Variants in SCTR observed in about 807,000 individuals in gnomAD.
SCTR encodes secretin receptor.
In SCTR, 56 loss-of-function variants were observed where a neutral mutation model predicts 60.8. The ratio of observed to expected loss-of-function variants is 0.92; its 90% CI spans 0.74 to 1.15. The LOEUF is 1.15. SCTR is among the 50% of genes most tolerant of loss of function. The probability of loss-of-function intolerance (pLI) is 0.00; values close to 1 mark genes in which losing one functional copy is unlikely to be tolerated. For missense variants in SCTR, 562 were observed against 550.4 expected (o/e 1.02, Z -0.21); for synonymous variants, 202 against 217.0 (o/e 0.93, Z 0.61).
At chr2:119,469,130 T>C (rs1291583632) in intron 4 of SCTR, among the ~76,000 whole-genome samples, 1 of 152,146 alleles carries the variant, frequency 6.6e-6, no homozygotes, top group Non-Finnish European at 1.5e-5. Context: ...TGGGTTGCCT[T>C]GAATTAATGG....
At chr2:119,465,590 G>T (rs1013320717) in intron 5 of SCTR, among the ~76,000 whole-genome samples, 199 bp downstream of exon 5, 21 of 152,192 alleles carry the variant, frequency 1.4e-4, no homozygotes, top group Non-Finnish European at 2.8e-4. Context: ...TCTCAGTAGT[G>T]CTTAGTAAAT....
intron 2 of SCTR, among the ~76,000 whole-genome samples, chr2:119,493,268 C>T (rs1262251047): frequency 1.3e-5 from 2 of 152,124 alleles, no homozygotes; most frequent in African/African-American, 4.8e-5. Flanking sequence ...GAATAATATC[C>T]CATTGGATGG....
At chr2:119,476,824 G>A (rs1486878158) in intron 3 of SCTR, 2 of 152,322 alleles carry the variant, frequency 1.3e-5, no homozygotes, top group African/African-American at 2.4e-5. Flanking sequence ...GAGTCAGAAA[G>A]TGGAGTCTGG....
intron 11 of SCTR, among the ~76,000 whole-genome samples, chr2:119,443,826 C>T (rs142064569): frequency 1.8e-3 from 280 of 152,246 alleles, no homozygotes; most frequent in African/African-American, 5.9e-3. Context: ...GGATTACAGG[C>T]GTGAGCCCCC....
intron 7 of SCTR, 74 bp from the exon 8 acceptor site, chr2:119,453,421 A>C: frequency 8.4e-7 from 1 of 1,186,694 alleles, no homozygotes; most frequent in South Asian, 1.2e-5. Flanking sequence ...GAACAGGACA[A>C]TTGGTTACCC....
At position 119,478,854 on chromosome 2, in the gene SCTR, C is replaced by G; in HGVS notation, c.258G>C (p.Glu86Asp). ...TCCGGAGGAATCTCGGGCATTCCAC[C>G]TCCACCATCCGGCCCGGCACAGAAG... ...WPSSVPGRMV[E>D]VECPRFLRML... Residue 86 changes from glutamate (E) to aspartate (D), a missense_variant, in exon 3 of 13, where the codon GAG (glutamate) becomes GAC (aspartate). Physicochemically the swap from Glu to Asp is conservative, Grantham distance 45 (BLOSUM62 2). Coordinates refer to ENST00000019103, the MANE Select transcript of SCTR (RefSeq NM_002980.3). 1.2e-6 allele frequency: 2 copies of G among 1,614,172 alleles called. No homozygotes were observed. Among genetic ancestry groups the G allele is most frequent in the Non-Finnish European group, 1.7e-6 (2 of 1,180,022 alleles).
At chr2:119,508,383 C>CTTTTTTTTTTTTTTTTTTTTTT (rs34070844) in intron 1 of SCTR, among the ~76,000 whole-genome samples, 10 of 77,378 alleles carry the variant, frequency 1.3e-4, no homozygotes, top group Non-Finnish European at 1.8e-4. Flanking sequence ...TCTTCTTCTT[C>CTTTTTTTTTTTTTTTTTTTTTT]TTTTTTTTTT....
intron 10 of SCTR, among the ~76,000 whole-genome samples, chr2:119,448,419 T>C (rs1331908174): frequency 1.3e-5 from 2 of 152,212 alleles, no homozygotes; most frequent in African/African-American, 4.8e-5. Flanking sequence ...GAAGCCCATG[T>C]GGAGACTCCC....
chr2:119,454,818 C>T (rs527588295), intron 7 of SCTR, among the ~76,000 whole-genome samples: 10 of 150,608 alleles, frequency 6.6e-5, no homozygotes, highest in Admixed American at 2.7e-4. Flanking sequence ...TGCGCCACTG[C>T]GCTCCAGCCT....
At chr2:119,471,580 G>A (rs776709459) in intron 4 of SCTR, among the ~76,000 whole-genome samples, 2 of 152,134 alleles carry the variant, frequency 1.3e-5, no homozygotes, top group African/African-American at 2.4e-5. Context: ...TGCAGAAGAC[G>A]GGGTGCTCTG....
intron 1 of SCTR, among the ~76,000 whole-genome samples, chr2:119,515,236 A>G (rs1386140055): frequency 2.6e-5 from 4 of 152,228 alleles, no homozygotes; most frequent in African/African-American, 9.6e-5. Context: ...GCTGTGAGGA[A>G]TTTTAAATGG....
chr2:119,482,316 G>A (rs1677652547), intron 2 of SCTR, among the ~76,000 whole-genome samples: 1 of 152,210 alleles, frequency 6.6e-6, no homozygotes, highest in Non-Finnish European at 1.5e-5. Context: ...TAGCAGGAGA[G>A]GGGAAGTGGG....
At chr2:119,442,139 G>A (rs1460311707) in intron 11 of SCTR, among the ~76,000 whole-genome samples, 3 of 152,240 alleles carry the variant, frequency 2.0e-5, no homozygotes, top group African/African-American at 7.2e-5. Flanking sequence ...TAATGGACAG[G>A]TGGGTGCACC....
chr2:119,512,546 G>T (rs1327546558), intron 1 of SCTR, among the ~76,000 whole-genome samples: 1 of 147,290 alleles, frequency 6.8e-6, no homozygotes, highest in Non-Finnish European at 1.5e-5. Flanking sequence ...ACAGGTGCGT[G>T]CCACCAAGCC....
chr2:119,492,633 G>A (rs1342952178), intron 2 of SCTR, among the ~76,000 whole-genome samples: 2 of 151,936 alleles, frequency 1.3e-5, no homozygotes, highest in Non-Finnish European at 2.9e-5. Flanking sequence ...AAAATATTGT[G>A]GAAACATCAC....
intron 1 of SCTR, among the ~76,000 whole-genome samples, chr2:119,519,544 C>A (rs965788696): frequency 2.0e-5 from 3 of 151,996 alleles, no homozygotes; most frequent in African/African-American, 7.2e-5. Flanking sequence ...CGGTGGCTCA[C>A]GCCTGTAATC....
chr2:119,494,552 C>T lies in SCTR; in HGVS notation c.73-4G>A, dbSNP rs1678274299. On this transcript the variant is annotated splice_region_variant and splice_polypyrimidine_tract_variant and intron_variant, in intron 1 of 12. Coordinates refer to ENST00000019103, the MANE Select transcript of SCTR (RefSeq NM_002980.3). The stretch of plus-strand genomic sequence containing the variant: ...ATAGTCGGGGAAGGGCTCCAGTCTG[C>T]AAGTCCAAAACCAGGGATGCTCATC... 1 of 1,613,464 alleles carries T rather than the reference C, an allele frequency of 6.2e-7. No homozygotes were observed.
intron 7 of SCTR, among the ~76,000 whole-genome samples, chr2:119,454,428 C>T (rs557511331): frequency 6.6e-6 from 1 of 152,120 alleles, no homozygotes; most frequent in East Asian, 1.9e-4. Flanking sequence ...CTCAGCTGAG[C>T]AGGAATGGAG....
At chr2:119,504,800 A>G (rs1678677981) in intron 1 of SCTR, among the ~76,000 whole-genome samples, 2 of 152,186 alleles carry the variant, frequency 1.3e-5, no homozygotes, top group South Asian at 4.1e-4. Flanking sequence ...GGAATCGGAG[A>G]AAATGTTTAC....
Sources: allele counts gnomAD v4.1 joint callset (sites outside exome capture counted in the v4.1 genomes callset), GRCh38; gene constraint gnomAD v4.1.1; transcripts MANE v1.5; gene names NCBI Gene and HGNC (gene_info 2026-07-23, HGNC 2026-07-21).